Variants in GPC6 observed in about 807,000 individuals in gnomAD.
GPC6 encodes the protein glypican 6.
In GPC6, 14 loss-of-function variants were observed where a neutral mutation model predicts 55.2. The ratio of observed to expected loss-of-function variants is 0.25; its 90% CI spans 0.17 to 0.40. The LOEUF (loss-of-function observed/expected upper bound fraction) is 0.40. Ranked by LOEUF, GPC6 falls within the 10% of genes least tolerant of loss-of-function variation. The pLI, the probability that GPC6 is intolerant of heterozygous loss-of-function variation, is 1.00. For missense variants in GPC6, 641 were observed against 708.5 expected (o/e 0.90, Z 1.08); for synonymous variants, 278 against 259.6 (o/e 1.07, Z -0.68).
intron 3 of GPC6, among the ~76,000 whole-genome samples, chr13:93,961,473 G>A (rs905376603): frequency 2.6e-5 from 4 of 152,124 alleles, no homozygotes; most frequent in Non-Finnish European, 4.4e-5. Context: ...GTTAAAAGTA[G>A]CCCATTGAAC....
chr13:93,219,791 A>G, the GPC6 span, among the ~76,000 whole-genome samples: 1 of 152,170 alleles, frequency 6.6e-6, no homozygotes, highest in Non-Finnish European at 1.5e-5. Flanking sequence ...TGATATTAGT[A>G]TCTTAAAATT....
At chr13:93,800,129 T>G (rs1436920282) in intron 2 of GPC6, among the ~76,000 whole-genome samples, 1 of 152,176 alleles carries the variant, frequency 6.6e-6, no homozygotes, top group East Asian at 1.9e-4. Context: ...ATTTTAAGAA[T>G]GAAGATACTA....
chr13:93,627,338 CT>C (rs1352675008), intron 2 of GPC6, among the ~76,000 whole-genome samples: 2 of 152,070 alleles, frequency 1.3e-5, no homozygotes, highest in African/African-American at 4.8e-5. Context: ...TGAACTCATC[CT>C]TTTTTATGGC....
At chr13:93,498,984 T>A (rs1022762366) in intron 1 of GPC6, among the ~76,000 whole-genome samples, 8 of 152,160 alleles carry the variant, frequency 5.3e-5, no homozygotes, top group Admixed American at 3.3e-4. Context: ...TTAATTTTAT[T>A]TCTATGAATT....
intron 2 of GPC6, among the ~76,000 whole-genome samples, chr13:93,707,862 C>T: frequency 6.6e-6 from 1 of 151,730 alleles, no homozygotes; most frequent in East Asian, 1.9e-4. Flanking sequence ...CTGGCAATCA[C>T]ACTTTTGCCA....
chr13:94,365,070 A>G (rs991385487), intron 6 of GPC6, among the ~76,000 whole-genome samples: 3 of 152,180 alleles, frequency 2.0e-5, no homozygotes, highest in African/African-American at 7.2e-5. Flanking sequence ...GGAGGTGGTG[A>G]GCACAAAGGA....
At chr13:94,232,176 C>A (rs1890748601) in intron 4 of GPC6, among the ~76,000 whole-genome samples, 1 of 152,150 alleles carries the variant, frequency 6.6e-6, no homozygotes, top group South Asian at 2.1e-4. Flanking sequence ...ACTGACTAAC[C>A]CATTCATTCC....
intron 1 of GPC6, among the ~76,000 whole-genome samples, chr13:93,447,317 T>C (rs889958082): frequency 3.3e-5 from 5 of 152,210 alleles, no homozygotes; most frequent in Non-Finnish European, 5.9e-5. Flanking sequence ...AGCAAAAACA[T>C]GCAAATGTTC....
chr13:94,103,983 C>A lies in GPC6; in HGVS notation c.877+76089C>A, dbSNP rs185511386. Among the ~76,000 whole-genome samples the A allele has an allele frequency of 3.9e-3, 587 of 152,208 alleles. 8 individuals are homozygous for A. The highest frequency in any genetic ancestry group is 0.014 in the African/African-American group (565 of 41,496). The stretch of plus-strand genomic sequence containing the variant: ...CATGCCTATGTCCTGAATGGTATTG[C>A]CTAGGTTTTCTTCTAGGCTTTTTAT... On this transcript the variant is annotated intron_variant, in intron 4 of 8. Transcript: ENST00000377047.
intron 4 of GPC6, among the ~76,000 whole-genome samples, chr13:94,266,447 C>T (rs1360266982): frequency 3.3e-5 from 5 of 152,290 alleles, no homozygotes; most frequent in Non-Finnish European, 7.3e-5. Context: ...GGATTACAGG[C>T]GTGAGCCACC....
chr13:93,393,121 T>TAGAGAG (rs1166243094), intron 1 of GPC6, among the ~76,000 whole-genome samples: 2 of 79,900 alleles, frequency 2.5e-5, no homozygotes, highest in Admixed American at 1.3e-4. Context: ...TATATATATA[T>TAGAGAG]ATATATAGAG....
intron 2 of GPC6, among the ~76,000 whole-genome samples, chr13:93,571,953 G>T (rs571301327): frequency 6.6e-6 from 1 of 152,032 alleles, no homozygotes; most frequent in African/African-American, 2.4e-5. Flanking sequence ...TAAAAGACAT[G>T]ATCTAGTTTT....
intron 3 of GPC6, among the ~76,000 whole-genome samples, chr13:93,860,616 G>A (rs1190998818): frequency 6.6e-6 from 1 of 151,594 alleles, no homozygotes; most frequent in African/African-American, 2.4e-5. Context: ...TGATGGACTT[G>A]GGGGCTTGTT....
At chr13:93,487,777 A>G (rs1879785496) in intron 1 of GPC6, among the ~76,000 whole-genome samples, 1 of 152,198 alleles carries the variant, frequency 6.6e-6, no homozygotes, top group African/African-American at 2.4e-5. Context: ...TCTAGGGGAA[A>G]TAATAGTAGT....
intron 1 of GPC6, among the ~76,000 whole-genome samples, chr13:93,406,495 T>A (rs1160953651): frequency 6.6e-6 from 1 of 152,194 alleles, no homozygotes; most frequent in Non-Finnish European, 1.5e-5. Flanking sequence ...TTAGGTTATA[T>A]TAGAAAAGTA....
intron 4 of GPC6, among the ~76,000 whole-genome samples, chr13:94,258,156 T>G (rs1020757148): frequency 6.6e-6 from 1 of 152,158 alleles, no homozygotes; most frequent in Admixed American, 6.5e-5. Flanking sequence ...CAGTTAAGTG[T>G]CATAGTTAGC....
At chr13:94,259,533 T>G (rs1182483650) in intron 4 of GPC6, among the ~76,000 whole-genome samples, 1 of 152,320 alleles carries the variant, frequency 6.6e-6, no homozygotes, top group East Asian at 1.9e-4. Context: ...TTAACGATTT[T>G]TTGGGTGTAT....
At chr13:93,814,293 C>T (rs1886782572) in intron 2 of GPC6, among the ~76,000 whole-genome samples, 1 of 152,106 alleles carries the variant, frequency 6.6e-6, no homozygotes, top group African/African-American at 2.4e-5. Flanking sequence ...CAGATATCCA[C>T]AAAGTGTTTT....
chr13:94,306,319 A>C, intron 6 of GPC6, 196 bp downstream of exon 6: 1 of 682,020 alleles, frequency 1.5e-6, no homozygotes, highest in Non-Finnish European at 2.6e-6. Flanking sequence ...TAAGAAATCT[A>C]TTAATCCATT....
Sources: gnomAD v4.1 joint callset for allele counts (sites outside exome capture counted in the v4.1 genomes callset) on GRCh38, gnomAD v4.1.1 for gene constraint, MANE v1.5 for transcripts, NCBI Gene and HGNC (gene_info 2026-07-23, HGNC 2026-07-21) for gene names.